Variants in NELL1 observed in about 807,000 individuals in gnomAD.
NELL1 encodes protein kinase C-binding protein NELL1.
NELL1 carries 76 observed loss-of-function variants against 107.4 expected under a neutral mutation model. The observed-to-expected ratio is 0.71, with a 90% CI of 0.59 to 0.86. The LOEUF (loss-of-function observed/expected upper bound fraction) is 0.86, where lower values mean the gene tolerates loss of function less well. NELL1 is among the 40% of genes least tolerant of loss of function. NELL1 has a pLI of 0.00. For missense variants in NELL1, 1,024 were observed against 1,005.5 expected, an observed-to-expected ratio of 1.02 and a Z score of -0.25; for synonymous variants, 353 against 341.2, an observed-to-expected ratio of 1.03 and a Z score of -0.38.
intron 15 of NELL1, among the ~76,000 whole-genome samples, chr11:21,387,508 G>A (rs768925292): frequency 2.0e-5 from 3 of 151,724 alleles, no homozygotes; most frequent in Non-Finnish European, 4.4e-5. Context: ...TAATTTATTG[G>A]GTAAACTGAG....
chr11:20,951,344 A>G lies in NELL1; in HGVS notation c.1171+3909A>G, dbSNP rs1851065175. Among the ~76,000 whole-genome samples, 2 of 152,168 alleles carry G rather than the reference A, an allele frequency of 1.3e-5. 1 individual carries two copies. The highest frequency in any genetic ancestry group is 4.1e-4 in the South Asian group (2 of 4,828). On this transcript the variant is annotated intron_variant, in intron 11 of 19. Coordinates refer to ENST00000357134, the MANE Select transcript of NELL1 (RefSeq NM_006157.5). ...TCTTACCAAATTTTCTCATATGGTT[A>G]CTGTCCCCCACCCCACAATTATTGA...
At chr11:21,136,815 T>C (rs1855754258) in intron 13 of NELL1, among the ~76,000 whole-genome samples, 1 of 152,152 alleles carries the variant, frequency 6.6e-6, no homozygotes, top group Non-Finnish European at 1.5e-5. Context: ...TTGTAAAAAA[T>C]GGTCTGCAGT....
At chr11:20,973,038 T>C (rs1243144429) in intron 12 of NELL1, among the ~76,000 whole-genome samples, 1 of 151,948 alleles carries the variant, frequency 6.6e-6, no homozygotes, top group African/African-American at 2.4e-5. Flanking sequence ...GGCTTCCTCC[T>C]CTGGGTTCTA....
At chr11:21,217,681 A>G (rs1165321118) in intron 13 of NELL1, among the ~76,000 whole-genome samples, 1 of 152,212 alleles carries the variant, frequency 6.6e-6, no homozygotes, top group East Asian at 1.9e-4. Context: ...TGTTACTGAT[A>G]GATAAAATCT....
At chr11:20,766,805 C>T (rs1271411832) in intron 2 of NELL1, among the ~76,000 whole-genome samples, 17 of 151,408 alleles carry the variant, frequency 1.1e-4, no homozygotes, top group Admixed American at 5.3e-4. Flanking sequence ...TGCAGTGGCA[C>T]AATCTTGGCT....
intron 15 of NELL1, among the ~76,000 whole-genome samples, chr11:21,386,948 A>G (rs755036611): frequency 3.7e-4 from 56 of 151,882 alleles, no homozygotes; most frequent in Non-Finnish European, 4.6e-4. Context: ...ACTTTGTGCT[A>G]CAGGATTGAT....
chr11:21,072,872 T>G (rs894865554), intron 12 of NELL1, among the ~76,000 whole-genome samples: 2 of 152,186 alleles, frequency 1.3e-5, no homozygotes, highest in African/African-American at 4.8e-5. Flanking sequence ...TATGTGTACA[T>G]TTTAGTCAGC....
At chr11:21,435,380 T>C (rs1199730792) in intron 15 of NELL1, among the ~76,000 whole-genome samples, 1 of 150,316 alleles carries the variant, frequency 6.7e-6, no homozygotes, top group Non-Finnish European at 1.5e-5. Flanking sequence ...CTTTGTTGAG[T>C]TTTTTGTTTG....
chr11:21,530,444 GC>G (rs1387185537), intron 15 of NELL1, among the ~76,000 whole-genome samples: 3 of 152,078 alleles, frequency 2.0e-5, no homozygotes, highest in Non-Finnish European at 4.4e-5. Context: ...TTCACCATAT[GC>G]CCCAAAAGGA....
At chr11:20,733,473 A>G (rs1855693562) in intron 2 of NELL1, among the ~76,000 whole-genome samples, 1 of 152,226 alleles carries the variant, frequency 6.6e-6, no homozygotes, top group Non-Finnish European at 1.5e-5. Flanking sequence ...GGCTGGGAGA[A>G]GCAGGAACAG....
At chr11:21,273,707 G>C (rs977728999) in intron 14 of NELL1, among the ~76,000 whole-genome samples, 3 of 152,164 alleles carry the variant, frequency 2.0e-5, no homozygotes, top group African/African-American at 4.8e-5. Context: ...CTGATCTCTC[G>C]GCAGAAACTC....
chr11:20,733,507 C>T (rs1451491877), intron 2 of NELL1, among the ~76,000 whole-genome samples: 3 of 152,086 alleles, frequency 2.0e-5, no homozygotes, highest in African/African-American at 4.8e-5. Flanking sequence ...GTAGAATCAG[C>T]AGAGGAGAGG....
chr11:21,037,799 G>T (rs1038987109), intron 12 of NELL1, among the ~76,000 whole-genome samples: 1 of 152,120 alleles, frequency 6.6e-6, no homozygotes, highest in Non-Finnish European at 1.5e-5. Context: ...GTCATCTGAA[G>T]AAGGGTTTGC....
intron 4 of NELL1, among the ~76,000 whole-genome samples, chr11:20,872,018 CAAAAAA>C (rs1160968611): frequency 1.2e-4 from 5 of 41,700 alleles, no homozygotes; most frequent in Admixed American, 3.9e-4. Context: ...GACTCCGTCT[CAAAAAA>C]AAAAAAAAAA....
chr11:20,701,977 G>T (rs1281434416), intron 2 of NELL1, among the ~76,000 whole-genome samples: 1 of 152,184 alleles, frequency 6.6e-6, no homozygotes, highest in Non-Finnish European at 1.5e-5. Context: ...GCTCAGAATT[G>T]TCTTGGCAAT....
intron 3 of NELL1, among the ~76,000 whole-genome samples, chr11:20,786,766 T>C (rs1404651724): frequency 2.0e-5 from 3 of 151,870 alleles, no homozygotes; most frequent in East Asian, 3.9e-4. Flanking sequence ...CCCAGCACTT[T>C]GGGAGGCCAA....
chr11:21,476,523 A>ATGAT (rs760446456), intron 15 of NELL1, among the ~76,000 whole-genome samples: 6 of 152,166 alleles, frequency 3.9e-5, no homozygotes, highest in Admixed American at 6.5e-5. Flanking sequence ...GATTTTAAAA[A>ATGAT]TGATAGAGAA....
At chr11:21,299,331 C>G (rs965256250) in intron 14 of NELL1, among the ~76,000 whole-genome samples, 15 of 152,024 alleles carry the variant, frequency 9.9e-5, no homozygotes, top group African/African-American at 3.6e-4. Context: ...TCTGCTCCTT[C>G]CATTGCATTC....
rs182247245 is a variant in NELL1, at chr11:21,169,853, C to A, written c.1426+56139C>A. The A allele has an allele frequency of 2.1e-4, 291 of 1,419,056 alleles. 1 individual carries two copies. In the East Asian group the frequency reaches 6.2e-3, roughly 30 times the overall value. 87.9% of individuals were successfully genotyped at this position (1,419,056 alleles called of 1,614,324 possible). ...TGCAAGTGCTTGCACCCCAGAGTCC[C>A]CCCAGGAAGAGTTGCCATGTCACCC... is the stretch of plus-strand genomic sequence containing the variant. On this transcript the variant is annotated intron_variant, in intron 13 of 19. Coordinates refer to ENST00000357134, the MANE Select transcript of NELL1 (RefSeq NM_006157.5).
Sources: allele counts gnomAD v4.1 joint callset (sites outside exome capture counted in the v4.1 genomes callset), GRCh38; gene constraint gnomAD v4.1.1; transcripts MANE v1.5; gene names NCBI Gene and HGNC (gene_info 2026-07-23, HGNC 2026-07-21).